SMAD1: variants seen among roughly 807,000 people sequenced by gnomAD.
SMAD1 encodes SMAD family member 1, also known as MAD, mothers against decapentaplegic homolog 1.
SMAD1 carries 6 observed loss-of-function variants against 41.6 expected under a neutral mutation model. The ratio of observed to expected loss-of-function variants is 0.14; its 90% CI spans 0.08 to 0.28. The LOEUF (loss-of-function observed/expected upper bound fraction) is 0.28. SMAD1 is among the 10% of genes least tolerant of loss of function. The probability of loss-of-function intolerance (pLI) is 1.00; values close to 1 mark genes in which losing one functional copy is unlikely to be tolerated. For synonymous variants in SMAD1, 206 were observed against 203.2 expected (o/e 1.01, Z -0.12); for missense variants, 379 against 582.6 (o/e 0.65, Z 3.60).
At chr4:145,553,242 A>T (rs530902957) in intron 5 of SMAD1, among the ~76,000 whole-genome samples, 1 of 151,882 alleles carries the variant, frequency 6.6e-6, no homozygotes, top group African/African-American at 2.4e-5. Context: ...TTGTTATGTT[A>T]TTTTCTAGAA....
chr4:145,554,057 T>C lies in SMAD1; in HGVS notation c.1254+17T>C. 6.2e-7 allele frequency: 1 copy of C among 1,602,044 alleles called. No homozygotes were observed. The highest frequency in any genetic ancestry group is 1.1e-5 in the South Asian group (1 of 90,340). ...TTTGTGAAGGTAAGTGAGCTCCGAC[T>C]CCTCCATTTAGGGCCTAACATACTT... On this transcript the variant is annotated intron_variant, in intron 6 of 6. Coordinates refer to ENST00000302085, the MANE Select transcript of SMAD1 (RefSeq NM_005900.3).
chr4:145,524,399 A>T (rs1730919702), intron 2 of SMAD1, among the ~76,000 whole-genome samples: 1 of 152,054 alleles, frequency 6.6e-6, no homozygotes, highest in South Asian at 2.1e-4. Flanking sequence ...TGATGAATAG[A>T]TACTGTTTCA....
At chr4:145,550,845 A>G (rs1225499476) in intron 5 of SMAD1, among the ~76,000 whole-genome samples, 1 of 152,188 alleles carries the variant, frequency 6.6e-6, no homozygotes, top group Non-Finnish European at 1.5e-5. Flanking sequence ...TGAGAATTAC[A>G]TGAAGAAACC....
At chr4:145,498,748 G>A (rs146178427) in intron 1 of SMAD1, among the ~76,000 whole-genome samples, 5 of 152,166 alleles carry the variant, frequency 3.3e-5, no homozygotes, top group African/African-American at 1.2e-4. Context: ...GAACAGTTGT[G>A]GTATGGTTTT....
intron 5 of SMAD1, 80 bp downstream of exon 5, chr4:145,547,004 G>A (rs1237914986): frequency 1.8e-6 from 2 of 1,099,170 alleles, no homozygotes; most frequent in Admixed American, 3.5e-5. Flanking sequence ...AATCATTCCT[G>A]TAACAAACTG....
intron 2 of SMAD1, among the ~76,000 whole-genome samples, chr4:145,526,360 G>A (rs1731018493): frequency 6.6e-6 from 1 of 152,200 alleles, no homozygotes; most frequent in African/African-American, 2.4e-5. Context: ...TTTTTTGTGT[G>A]TGACAATACC....
intron 3 of SMAD1, among the ~76,000 whole-genome samples, chr4:145,540,583 A>G (rs1398438155): frequency 6.6e-6 from 1 of 152,252 alleles, no homozygotes; most frequent in South Asian, 2.1e-4. Context: ...CAACAGAAGT[A>G]CTGGAAACCA....
At chr4:145,485,156 C>T (rs1348586142) in intron 1 of SMAD1, among the ~76,000 whole-genome samples, 1 of 152,136 alleles carries the variant, frequency 6.6e-6, no homozygotes, top group Non-Finnish European at 1.5e-5. Flanking sequence ...GCAGCCTCGA[C>T]CTCCCAGGCC....
chr4:145,532,706 GA>G (rs1731383619), intron 2 of SMAD1, among the ~76,000 whole-genome samples: 1 of 152,170 alleles, frequency 6.6e-6, no homozygotes, highest in East Asian at 1.9e-4. Context: ...AGTGCACTAA[GA>G]AAGTGGTTCC....
chr4:145,492,538 G>T (rs1728825589), intron 1 of SMAD1, among the ~76,000 whole-genome samples: 1 of 152,246 alleles, frequency 6.6e-6, no homozygotes. Flanking sequence ...AGGAACCTCT[G>T]CATGTTCAGC....
chr4:145,546,423 T>C (rs1732255906), intron 4 of SMAD1: 1 of 421,384 alleles, frequency 2.4e-6, no homozygotes, highest in African/African-American at 2.0e-5. Context: ...TTGTTAATAT[T>C]CAGCAAAAGT....
At chr4:145,529,541 A>C (rs1436247486) in intron 2 of SMAD1, among the ~76,000 whole-genome samples, 2 of 152,224 alleles carry the variant, frequency 1.3e-5, no homozygotes, top group South Asian at 2.1e-4. Flanking sequence ...TCTTGATCCC[A>C]AGCCAGTGCT....
chr4:145,533,599 G>A (rs754551850), intron 2 of SMAD1, among the ~76,000 whole-genome samples: 5 of 152,162 alleles, frequency 3.3e-5, no homozygotes, highest in Non-Finnish European at 5.9e-5. Flanking sequence ...CAGGAGGATC[G>A]CTTAAGCCCA....
intron 1 of SMAD1, among the ~76,000 whole-genome samples, chr4:145,489,690 C>T (rs1013738309): frequency 2.0e-5 from 3 of 152,036 alleles, no homozygotes; most frequent in East Asian, 1.9e-4. Flanking sequence ...ATTTAAGGTG[C>T]GATATCTAAG....
chr4:145,553,079 ATT>A (rs113208405), intron 5 of SMAD1, among the ~76,000 whole-genome samples: 4 of 138,580 alleles, frequency 2.9e-5, no homozygotes, highest in Admixed American at 7.2e-5. Flanking sequence ...AATTTTTTGT[ATT>A]TTTTTTTTTT....
intron 1 of SMAD1, among the ~76,000 whole-genome samples, chr4:145,487,731 G>A (rs1728551021): frequency 6.6e-6 from 1 of 152,166 alleles, no homozygotes; most frequent in Non-Finnish European, 1.5e-5. Flanking sequence ...CTTGCTCTGC[G>A]TTATTAAGAT....
At chr4:145,550,380 G>A (rs1732488757) in intron 5 of SMAD1, among the ~76,000 whole-genome samples, 1 of 152,166 alleles carries the variant, frequency 6.6e-6, no homozygotes, top group Admixed American at 6.6e-5. Context: ...AGGTGTGGTG[G>A]CACACGCCTG....
At chr4:145,484,847 C>T (rs1728396051) in intron 1 of SMAD1, 2 of 152,132 alleles carry the variant, frequency 1.3e-5, no homozygotes, top group African/African-American at 4.8e-5. Flanking sequence ...TTTATTACCC[C>T]TGAATTTTCA....
chr4:145,481,809 G>T, upstream of SMAD1: 1 of 179,910 alleles, frequency 5.6e-6, no homozygotes, highest in South Asian at 1.2e-4. Flanking sequence ...GGCAGCTGAG[G>T]AGTGGAGGCT....
Sources: allele counts gnomAD v4.1 joint callset (sites outside exome capture counted in the v4.1 genomes callset), GRCh38; gene constraint gnomAD v4.1.1; transcripts MANE v1.5; gene names NCBI Gene and HGNC (gene_info 2026-07-23, HGNC 2026-07-21).